Variants in NNT observed in about 807,000 individuals in gnomAD.
NNT encodes NAD(P) transhydrogenase, mitochondrial.
NNT carries 50 observed loss-of-function variants against 104.8 expected under a neutral mutation model. That is an observed-to-expected ratio of 0.48 (90% confidence interval 0.38 to 0.60). The LOEUF is 0.60. Ranked by LOEUF, NNT falls within the 20% of genes least tolerant of loss-of-function variation. NNT has a pLI of 0.00. For missense variants in NNT, 1,131 were observed against 1,330.7 expected, an observed-to-expected ratio of 0.85 and a Z score of 2.33; for synonymous variants, 461 against 490.4, an observed-to-expected ratio of 0.94 and a Z score of 0.79.
chr5:43,628,320 T>C lies in NNT; in HGVS notation c.897T>C (p.Ala299=). Residue 299 remains alanine, a synonymous_variant, in exon 7 of 22, where the codon GCT becomes GCC. Transcript: ENST00000344920. ...AGATGTCCAAAGAGTTCATTGAAGC[T>C]GAAATGAAACTCTTTGCTCAACAAT... ...AKEMSKEFIE[A]EMKLFAQQCK... 6.2e-7 allele frequency: 1 copy of C among 1,613,970 alleles called. No individual in the cohort carries two copies. The highest frequency in any genetic ancestry group is 8.5e-7 in the Non-Finnish European group (1 of 1,179,934).
chr5:43,624,094 T>C lies in NNT; in HGVS notation c.750T>C (p.Gly250=). The C allele has an allele frequency of 6.2e-7, 1 of 1,614,152 alleles. No individual in the cohort carries two copies. The highest frequency in any genetic ancestry group is 8.5e-7 in the Non-Finnish European group (1 of 1,180,016). ...LASAGAAKSM[G]AIVRGFDTRA... is the part of the protein sequence containing the mutation. Reference sequence around the variant, plus strand: ...CTGCAGGCGCAGCAAAGTCGATGGGTGCAATTGTTCGAGGATTTGACACAA... The same window carrying C: ...CTGCAGGCGCAGCAAAGTCGATGGGCGCAATTGTTCGAGGATTTGACACAA... Residue 250 remains glycine (G), a synonymous_variant, in exon 6 of 22, where the codon GGT becomes GGC. Coordinates refer to ENST00000344920, the MANE Select transcript of NNT (RefSeq NM_182977.3).
At chr5:43,703,285 T>G in intron 21 of NNT, among the ~76,000 whole-genome samples, 1 of 152,196 alleles carries the variant, frequency 6.6e-6, no homozygotes, top group East Asian at 1.9e-4. Flanking sequence ...GCTTGTAAAT[T>G]TTCCTCTGCC....
At chr5:43,669,904 C>G (rs927447661) in intron 17 of NNT, among the ~76,000 whole-genome samples, 2 of 152,096 alleles carry the variant, frequency 1.3e-5, no homozygotes, top group African/African-American at 4.8e-5. Context: ...GTGAATCCAT[C>G]TGGTCCTGGA....
chr5:43,671,694 T>G (rs1016799534), intron 17 of NNT, among the ~76,000 whole-genome samples: 3 of 152,226 alleles, frequency 2.0e-5, no homozygotes, highest in African/African-American at 7.2e-5. Context: ...TAACCCGACC[T>G]TTCTTTCTGG....
Position 43,616,150 on chromosome 5 carries a change from T to C in NNT, c.599+85T>C, listed in dbSNP as rs1345799612. On this transcript the variant is annotated intron_variant, in intron 4 of 21. Transcript: ENST00000344920. Reference sequence around the variant, plus strand: ...CTGTAGCTCTTCTGTCTTACAGTGATTTTATTTGTAATTATTGTTGGAGAT... The same window carrying C: ...CTGTAGCTCTTCTGTCTTACAGTGACTTTATTTGTAATTATTGTTGGAGAT... 2.8e-6 allele frequency: 3 copies of C among 1,086,406 alleles called. No homozygotes were observed. In the African/African-American group the frequency reaches 4.7e-5, roughly 17 times the overall value. The allele number at this position is 1,086,406 out of a possible 1,614,324, so 67.3% of individuals were successfully genotyped here. A position where few individuals can be genotyped will look rare whatever the true frequency, so the allele number is the denominator to read the frequency against.
intron 19 of NNT, among the ~76,000 whole-genome samples, chr5:43,678,946 G>A (rs1477022401): frequency 6.6e-6 from 1 of 152,036 alleles, no homozygotes; most frequent in Non-Finnish European, 1.5e-5. Context: ...CCAATCTATA[G>A]TCTGTGTTTG....
chr5:43,675,559 A>C lies in NNT; in HGVS notation c.2683A>C (p.Thr895Pro). Residue 895 changes from threonine to proline, a missense_variant, in exon 18 of 22, where the codon ACT becomes CCT. Transcript: ENST00000344920. ...TGTGATTCTTGGAGGCTATGGCACC[A>C]CTTCAACAGCTGGTGGAAAACCCAT... ...ANVILGGYGT[T>P]STAGGKPMEI... The C allele has an allele frequency of 6.2e-7, 1 of 1,613,650 alleles. No homozygotes were observed. The highest frequency in any genetic ancestry group is 1.1e-5 in the South Asian group (1 of 91,002).
chr5:43,612,442 AT>A (rs1469547986), intron 2 of NNT, among the ~76,000 whole-genome samples: 4 of 152,220 alleles, frequency 2.6e-5, no homozygotes, highest in Non-Finnish European at 4.4e-5. Flanking sequence ...GTGTGGCCAA[AT>A]TGCCTGGAAG....
At chr5:43,695,037 G>A (rs1004302164) in intron 19 of NNT, among the ~76,000 whole-genome samples, 1 of 152,134 alleles carries the variant, frequency 6.6e-6, no homozygotes, top group Admixed American at 6.5e-5. Flanking sequence ...GACGGTGTAT[G>A]TGTCCAGGAA....
chr5:43,675,660 T>C lies in NNT; in HGVS notation c.2784T>C (p.Ile928=), dbSNP rs1478893578. ...TGATTCGAGAAGCTAATAGCATTATTATTACACCAGGTAAAGAAAAAAAGC... is the reference window on the plus strand; with the variant it reads ...TGATTCGAGAAGCTAATAGCATTATCATTACACCAGGTAAAGAAAAAAAGC... ...IDMIREANSI[I]ITPGYGLCAA... is the part of the protein sequence containing the mutation. Residue 928 remains isoleucine, a synonymous_variant, in exon 18 of 22, where the codon ATT becomes ATC. Coordinates refer to ENST00000344920, the MANE Select transcript of NNT (RefSeq NM_182977.3). The C allele has an allele frequency of 6.3e-7, 1 of 1,599,652 alleles. No homozygotes were observed. Among genetic ancestry groups the C allele is most frequent in the Non-Finnish European group, 8.5e-7 (1 of 1,174,054 alleles).
rs982021984 is a variant in NNT, at chr5:43,703,750, G to A, written c.3112-505G>A. On this transcript the variant is annotated intron_variant, in intron 21 of 21. Transcript: ENST00000344920. The stretch of plus-strand genomic sequence containing the variant: ...GGAACATTCTGTTAGTTATAGCTCT[G>A]CTATTGTGAGAAGCTGGATTGCTCT... Among the ~76,000 whole-genome samples the A allele has an allele frequency of 3.3e-5, 5 of 152,086 alleles. No individual in the cohort carries two copies. The East Asian group carries it at 9.6e-4, about 29-fold the overall frequency.
chr5:43,679,034 T>C (rs1381319410), intron 19 of NNT, among the ~76,000 whole-genome samples: 1 of 152,120 alleles, frequency 6.6e-6, no homozygotes, highest in African/African-American at 2.4e-5. Flanking sequence ...TTATTGAGAG[T>C]CTTAGATGAA....
At chr5:43,687,795 A>G (rs1362171264) in intron 19 of NNT, among the ~76,000 whole-genome samples, 2 of 152,198 alleles carry the variant, frequency 1.3e-5, no homozygotes, top group East Asian at 3.8e-4. Context: ...GTCTTTATGC[A>G]GTCTGCAGCT....
At chr5:43,693,029 G>A (rs1376273115) in intron 19 of NNT, among the ~76,000 whole-genome samples, 1 of 151,254 alleles carries the variant, frequency 6.6e-6, no homozygotes, top group Non-Finnish European at 1.5e-5. Context: ...TTATACTTAA[G>A]TAAGCTTTAT....
intron 7 of NNT, among the ~76,000 whole-genome samples, chr5:43,632,455 C>T (rs1315734191): frequency 1.4e-4 from 22 of 152,144 alleles, no homozygotes; most frequent in Admixed American, 1.4e-3. Flanking sequence ...GTATACGTCA[C>T]TTGGTGGTCT....
rs182921738 is a variant in NNT at position 43,658,102 on chromosome 5, T to G, written c.2455-1069T>G. Among the ~76,000 whole-genome samples, 213 of 151,878 alleles carry G rather than the reference T, an allele frequency of 1.4e-3. 1 individual carries two copies. Among genetic ancestry groups the G allele is most frequent in the African/African-American group, 5.0e-3 (206 of 41,412 alleles). On this transcript the variant is annotated intron_variant, in intron 16 of 21. Transcript: ENST00000344920. ...GTGAGCCGAGATCATGCTATTGCAC[T>G]CCAGCCTGGGTGACAAAGCAAGACT...
At chr5:43,701,029 A>G (rs1405556572) in intron 20 of NNT, among the ~76,000 whole-genome samples, 1 of 152,232 alleles carries the variant, frequency 6.6e-6, no homozygotes, top group Admixed American at 6.5e-5. Context: ...GACACCACCC[A>G]GTTCCAGGAA....
chr5:43,611,748 C>A (rs924622556), intron 2 of NNT, among the ~76,000 whole-genome samples: 8 of 152,060 alleles, frequency 5.3e-5, no homozygotes, highest in African/African-American at 1.9e-4. Context: ...ATATTCAGAT[C>A]TTAGGTTGCA....
chr5:43,625,687 A>G (rs10065095), intron 6 of NNT, among the ~76,000 whole-genome samples: 2,335 of 152,192 alleles, frequency 0.015, 63 homozygotes, highest in African/African-American at 0.049. Flanking sequence ...TAACTAGGAG[A>G]TACCCCTCTT....
Sources: allele counts gnomAD v4.1 joint callset (sites outside exome capture counted in the v4.1 genomes callset), GRCh38; gene constraint gnomAD v4.1.1; transcripts MANE v1.5; gene names NCBI Gene and HGNC (gene_info 2026-07-23, HGNC 2026-07-21).